The following LAMP5 variants were observed in gnomAD, a reference collection of about 807,000 sequenced individuals.
LAMP5 encodes the protein lysosome-associated membrane glycoprotein 5.
In LAMP5, 36 loss-of-function variants were observed where a neutral mutation model predicts 30.2. The observed-to-expected ratio is 1.19, with a 90% confidence interval of 0.91 to 1.57. The LOEUF (loss-of-function observed/expected upper bound fraction) is 1.57. LAMP5 is among the 40% of genes most tolerant of loss of function. LAMP5 has a pLI of 0.00. For synonymous variants in LAMP5, 149 were observed against 134.6 expected (o/e 1.11, Z -0.74); for missense variants, 377 against 354.9 (o/e 1.06, Z -0.50).
rs1317245006 is a variant in LAMP5, at chr20:9,518,029, T to C, written c.476-11T>C. 2 of 1,613,046 alleles carry C rather than the reference T, an allele frequency of 1.2e-6. No homozygotes were observed. Among genetic ancestry groups the C allele is most frequent in the Non-Finnish European group, 1.7e-6 (2 of 1,179,838 alleles). ...GAGGGTTCTAACTATTGCTCTGGGC[T>C]CTTGCTGTAGCTGGGAAGCACACAG... On this transcript the variant is annotated splice_polypyrimidine_tract_variant and intron_variant, in intron 4 of 5. Coordinates refer to ENST00000246070, the MANE Select transcript of LAMP5 (RefSeq NM_012261.4).
chr20:9,525,979 G>T (rs1174956495), intron 5 of LAMP5, among the ~76,000 whole-genome samples: 2 of 152,214 alleles, frequency 1.3e-5, no homozygotes. Context: ...TAAGCAGGAA[G>T]AAGTGAGCTA....
At position 9,515,642 on chromosome 20, in the gene LAMP5, C is replaced by T; in HGVS notation, c.237+17C>T. ...TACGTAGATGTAAGGAATCTTTCCCCCCCCTCAGCTTGCTCCTAGGGCTCC... is the reference window on the plus strand; with the variant it reads ...TACGTAGATGTAAGGAATCTTTCCCTCCCCTCAGCTTGCTCCTAGGGCTCC... On this transcript the variant is annotated intron_variant, in intron 2 of 5. Transcript: ENST00000246070. 6.2e-7 allele frequency: 1 copy of T among 1,612,414 alleles called. No individual in the cohort carries two copies. The highest frequency in any genetic ancestry group is 8.5e-7 in the Non-Finnish European group (1 of 1,178,872).
At position 9,515,516 on chromosome 20, in the gene LAMP5, C is replaced by A. The variant is rs752728026; in HGVS notation, c.128C>A (p.Pro43His). 6.2e-6 allele frequency: 10 copies of A among 1,614,028 alleles called. No individual in the cohort carries two copies. Among genetic ancestry groups the A allele is most frequent in the Middle Eastern group, 1.6e-4 (1 of 6,084 alleles). ...AATCTCTCAGGCCTTTCCACTAACC[C>A]TGAAAAAGATATATTTGTGGTGCGG... ...VENLSGLSTN[P>H]EKDIFVVREN... is the part of the protein sequence containing the mutation. Residue 43 changes from proline to histidine, a missense_variant, in exon 2 of 6, where the codon CCT becomes CAT. Coordinates refer to ENST00000246070, the MANE Select transcript of LAMP5 (RefSeq NM_012261.4).
intron 5 of LAMP5, among the ~76,000 whole-genome samples, chr20:9,526,860 GTATATATATATATATATATATA>G (rs201564418): frequency 0.013 from 1,022 of 80,240 alleles, 27 homozygotes; most frequent in African/African-American, 0.039. Flanking sequence ...GTGTGTGTGT[GTATATATATATATATATATATA>G]TATATATATA....
intron 5 of LAMP5, among the ~76,000 whole-genome samples, chr20:9,521,762 G>A (rs1349453243): frequency 6.6e-6 from 1 of 152,158 alleles, no homozygotes; most frequent in Non-Finnish European, 1.5e-5. Flanking sequence ...GTCGCTGGGA[G>A]GGAACAAACC....
In LAMP5 at chr20:9,522,149, A is replaced by G. The variant is rs185832554; in HGVS notation, c.664+3921A>G. Among the ~76,000 whole-genome samples, 19 of 152,270 alleles carry G rather than the reference A, an allele frequency of 1.2e-4. No homozygotes were observed. The East Asian group carries it at 3.7e-3, about 29-fold the overall frequency. ...ACAGCTGCTCCTGCTGAGTAGCTGT[A>G]ATCAACATGTGAGTGTGAGAGGCAT... On this transcript the variant is annotated intron_variant, in intron 5 of 5. Coordinates refer to ENST00000246070, the MANE Select transcript of LAMP5 (RefSeq NM_012261.4).
At chr20:9,522,832 G>A (rs2045087816) in intron 5 of LAMP5, among the ~76,000 whole-genome samples, 1 of 152,102 alleles carries the variant, frequency 6.6e-6, no homozygotes, top group Non-Finnish European at 1.5e-5. Context: ...CTAGGTACTG[G>A]GATATAAGAA....
chr20:9,517,384 G>A (rs1272483075), intron 4 of LAMP5, among the ~76,000 whole-genome samples: 1 of 152,152 alleles, frequency 6.6e-6, no homozygotes, highest in African/African-American at 2.4e-5. Context: ...CGTGTGAAAT[G>A]TGGAAAACCA....
intron 5 of LAMP5, among the ~76,000 whole-genome samples, chr20:9,520,383 A>G (rs1266687119): frequency 6.6e-6 from 1 of 151,992 alleles, no homozygotes; most frequent in African/African-American, 2.4e-5. Flanking sequence ...TTTGTAAGAG[A>G]TCATTATTTT....
chr20:9,527,854 G>T (rs575396064), intron 5 of LAMP5, among the ~76,000 whole-genome samples: 1 of 152,234 alleles, frequency 6.6e-6, no homozygotes, highest in South Asian at 2.1e-4. Flanking sequence ...ATTTTAGGAG[G>T]CTGAAAAATA....
chr20:9,522,661 C>A (rs988648258), intron 5 of LAMP5, among the ~76,000 whole-genome samples: 1 of 152,178 alleles, frequency 6.6e-6, no homozygotes, highest in Non-Finnish European at 1.5e-5. Flanking sequence ...TGAGGGTGAG[C>A]AAACCAGTGT....
At chr20:9,529,519 GA>G in intron 5 of LAMP5, 122 bp from the exon 6 acceptor site, 2 of 1,015,366 alleles carry the variant, frequency 2.0e-6, no homozygotes, top group Non-Finnish European at 1.4e-6. Context: ...AACTATTTCT[GA>G]AAAATAGTCC....
intron 5 of LAMP5, among the ~76,000 whole-genome samples, chr20:9,526,866 A>ATG (rs1568945683): frequency 2.9e-5 from 2 of 67,962 alleles, no homozygotes; most frequent in Non-Finnish European, 2.7e-5. Flanking sequence ...GTGTGTATAT[A>ATG]TATATATATA....
At chr20:9,518,762 A>G (rs1253539623) in intron 5 of LAMP5, among the ~76,000 whole-genome samples, 1 of 152,244 alleles carries the variant, frequency 6.6e-6, no homozygotes, top group African/African-American at 2.4e-5. Flanking sequence ...GGATACTTCT[A>G]GTTGAAGATT....
chr20:9,519,120 C>T (rs565901359), intron 5 of LAMP5, among the ~76,000 whole-genome samples: 3 of 152,174 alleles, frequency 2.0e-5, no homozygotes, highest in African/African-American at 2.4e-5. Context: ...CAACAATTCA[C>T]GTTGGGCAAT....
intron 5 of LAMP5, among the ~76,000 whole-genome samples, chr20:9,519,620 C>G (rs1342702199): frequency 6.6e-6 from 1 of 152,186 alleles, no homozygotes; most frequent in Non-Finnish European, 1.5e-5. Context: ...CTCTCTTAAA[C>G]TGAAAATATT....
chr20:9,523,258 C>G (rs1235351074), intron 5 of LAMP5, among the ~76,000 whole-genome samples: 1 of 152,086 alleles, frequency 6.6e-6, no homozygotes, highest in East Asian at 1.9e-4. Flanking sequence ...CTTTCTCTAT[C>G]TTGCCCTGCC....
intron 5 of LAMP5, among the ~76,000 whole-genome samples, chr20:9,528,006 T>A (rs7261657): frequency 0.028 from 4,224 of 152,302 alleles, 84 homozygotes; most frequent in African/African-American, 0.061. Flanking sequence ...GCACCCTTAA[T>A]GTTTATCCCA....
chr20:9,528,032 G>A (rs574044950), intron 5 of LAMP5, among the ~76,000 whole-genome samples: 2 of 152,240 alleles, frequency 1.3e-5, no homozygotes, highest in East Asian at 1.9e-4. Context: ...ATTCACAATA[G>A]CAAAGTTACA....
Sources: gnomAD v4.1 joint callset for allele counts (sites outside exome capture counted in the v4.1 genomes callset) on GRCh38, gnomAD v4.1.1 for gene constraint, MANE v1.5 for transcripts, NCBI Gene and HGNC (gene_info 2026-07-23, HGNC 2026-07-21) for gene names.